Variants in RNF170 observed in about 807,000 individuals in gnomAD.
RNF170 encodes the protein ring finger protein 170, also known as E3 ubiquitin-protein ligase RNF170.
In RNF170, 12 loss-of-function variants were observed where a neutral mutation model predicts 32.7. The ratio of observed to expected loss-of-function variants is 0.37; its 90% CI spans 0.24 to 0.60. The LOEUF (loss-of-function observed/expected upper bound fraction) is 0.60, where lower values mean the gene tolerates loss of function less well. RNF170 is among the 20% of genes least tolerant of loss of function. The pLI, the probability that RNF170 is intolerant of heterozygous loss-of-function variation, is 0.72. For missense variants in RNF170, 212 were observed against 311.2 expected (o/e 0.68, Z 2.40); for synonymous variants, 91 against 103.6 (o/e 0.88, Z 0.74).
rs1008951748 is a variant in RNF170 at position 42,854,558 on chromosome 8, G to C, written c.*1601C>G. On this transcript the variant is annotated 3_prime_UTR_variant, in exon 7 of 7. Transcript: ENST00000527424. ...TTTCTCTATGACAAGCAACAGCTCT[G>C]TCCTAGGTCCAAATTAGAAAAACAC... 2.3e-6 allele frequency: 3 copies of C among 1,286,896 alleles called. No individual in the cohort carries two copies. The African/African-American group carries it at 4.6e-5, about 20-fold the overall frequency. 79.7% of individuals were successfully genotyped at this position (1,286,896 alleles called of 1,614,324 possible).
chr8:42,861,730 T>C lies in RNF170; in HGVS notation c.507+15A>G. 6.4e-7 allele frequency: 1 copy of C among 1,563,852 alleles called. No individual in the cohort carries two copies. The highest frequency in any genetic ancestry group is 1.1e-5 in the South Asian group (1 of 90,028). On this transcript the variant is annotated intron_variant, in intron 6 of 6. Transcript: ENST00000527424. ...TGTCTTCCTCTAACTTTGAACATGC[T>C]TTAGCATTACTTACAGATCTGGGTT... is the stretch of plus-strand genomic sequence containing the variant.
chr8:42,880,903 CTG>C (rs1263821809), intron 2 of RNF170, among the ~76,000 whole-genome samples: 1 of 152,166 alleles, frequency 6.6e-6, no homozygotes, highest in Non-Finnish European at 1.5e-5. Context: ...AGATAGATAA[CTG>C]TTAGCATTTT....
intron 4 of RNF170, among the ~76,000 whole-genome samples, chr8:42,865,732 C>T (rs1282640411): frequency 6.6e-6 from 1 of 152,066 alleles, no homozygotes; most frequent in African/African-American, 2.4e-5. Flanking sequence ...GTCTGTTATC[C>T]CAGCACTTTG....
chr8:42,856,058 T>G lies in RNF170; in HGVS notation c.*101A>C, dbSNP rs762414312. The stretch of plus-strand genomic sequence containing the variant: ...TTATAGTGGTTTTATATTTGTGAGA[T>G]AATACTCCATTGCTTCATTGCTTTA... On this transcript the variant is annotated 3_prime_UTR_variant, in exon 7 of 7. Transcript: ENST00000527424. 1.3e-6 allele frequency: 2 copies of G among 1,595,900 alleles called. No individual in the cohort carries two copies. The highest frequency in any genetic ancestry group is 2.2e-5 in the East Asian group (1 of 44,660).
intron 2 of RNF170, among the ~76,000 whole-genome samples, chr8:42,883,246 C>T (rs4737078): frequency 0.013 from 1,975 of 151,916 alleles, 141 homozygotes; most frequent in Admixed American, 0.11. Context: ...ATCACTATTA[C>T]GCAACATACC....
At chr8:42,850,707 G>C, downstream of RNF170, 3 of 1,516,094 alleles carry the variant, frequency 2.0e-6, no homozygotes, top group Non-Finnish European at 2.7e-6. Flanking sequence ...GTGCCCTGGG[G>C]TAAGGGGAGG....
rs1476458814 is a variant in RNF170, at chr8:42,887,740, T to C, written c.125A>G (p.Tyr42Cys). The change falls in exon 2 of 7, where the codon TAT becomes TGT. Residue 42 changes from tyrosine (Y) to cysteine (C), a missense_variant. Tyr to Cys is a radical substitution (Grantham distance 194). Around this residue, in one of 2 missense-constraint regions of RNF170, gnomAD observed 115 missense variants for 132.3 expected, o/e 0.87. Transcript: ENST00000527424. ...CCTTAAATCTCACCTGAAAAGTGCA[T>C]ATACCAGGGTAGCAATCAAAGCGAA... The part of the protein sequence containing the change: ...VSFALIATLV[Y>C]ALFRNVHQNI... The C allele has an allele frequency of 1.1e-5, 17 of 1,614,120 alleles. No individual in the cohort carries two copies. Among genetic ancestry groups the C allele is most frequent in the Non-Finnish European group, 1.3e-5 (15 of 1,179,986 alleles).
intron 5 of RNF170, among the ~76,000 whole-genome samples, chr8:42,862,390 A>G (rs1040361969): frequency 2.0e-5 from 3 of 152,220 alleles, no homozygotes; most frequent in Non-Finnish European, 4.4e-5. Context: ...TGATATTGTC[A>G]TATAACATAA....
intron 2 of RNF170, among the ~76,000 whole-genome samples, chr8:42,876,038 AGCTAAATG>A (rs1306111264): frequency 6.6e-6 from 1 of 152,160 alleles, no homozygotes; most frequent in Non-Finnish European, 1.5e-5. Context: ...GTGAATACCT[AGCTAAATG>A]GCATTTCTCC....
At chr8:42,866,911 C>T (rs1563257183) in intron 4 of RNF170, among the ~76,000 whole-genome samples, 2 of 152,190 alleles carry the variant, frequency 1.3e-5, no homozygotes, top group Non-Finnish European at 2.9e-5. Flanking sequence ...TTGTAGGACA[C>T]CTGCATCTTC....
intron 2 of RNF170, among the ~76,000 whole-genome samples, chr8:42,886,820 C>G (rs1359637955): frequency 6.6e-6 from 1 of 152,112 alleles, no homozygotes; most frequent in East Asian, 1.9e-4. Context: ...TCCAGGAGTT[C>G]AAGTCCAACT....
intron 4 of RNF170, among the ~76,000 whole-genome samples, chr8:42,867,471 CAAAA>C (rs34272095): frequency 1.1e-4 from 4 of 35,706 alleles, no homozygotes; most frequent in Admixed American, 7.4e-4. Context: ...AACTCCGTCT[CAAAA>C]AAAAAAAAAA....
intron 6 of RNF170, among the ~76,000 whole-genome samples, chr8:42,857,191 A>G (rs889680641): frequency 2.0e-5 from 3 of 152,254 alleles, no homozygotes; most frequent in East Asian, 1.9e-4. Context: ...CAAGTGCCAA[A>G]TAAGTTGAGA....
At chr8:42,850,844 G>A (rs771696160), downstream of RNF170, 96 of 1,551,466 alleles carry the variant, frequency 6.2e-5, no homozygotes, top group Middle Eastern at 3.3e-4. Flanking sequence ...AAGCATAAAC[G>A]TGGTGAGGCT....
rs1159600703 is a variant in RNF170, at chr8:42,865,413, T to C, written c.396+3A>G. The C allele has an allele frequency of 1.9e-6, 3 of 1,608,836 alleles. No individual in the cohort carries two copies. Among genetic ancestry groups the C allele is most frequent in the Non-Finnish European group, 2.6e-6 (3 of 1,175,530 alleles). On this transcript the variant is annotated splice_donor_region_variant and intron_variant, in intron 5 of 6. Transcript: ENST00000527424. ...ATGATACTTTCTGCACACAAAACATTACCGTTTGTCTACAGATTGGACAAC... is the reference window on the plus strand; with the variant it reads ...ATGATACTTTCTGCACACAAAACATCACCGTTTGTCTACAGATTGGACAAC...
In RNF170 at chr8:42,865,451, G is replaced by A; in HGVS notation, c.361C>T (p.Leu121Phe). ...CAGATTGGACAACTGATTGCCCCAA[G>A]CCATGAACCATATCGCCAGTAAGCA... ...IIAYWRYGSW[L>F]GAISCPICRQ... The change falls in exon 5 of 7, where the codon CTT (leucine) becomes TTT (phenylalanine). Residue 121 changes from leucine to phenylalanine, a missense_variant. Leu to Phe is a conservative substitution (Grantham distance 22). This residue lies in a region of RNF170 where 97 missense variants were observed against 178.9 expected (regional missense o/e 0.54). Transcript: ENST00000527424. The A allele has an allele frequency of 6.2e-6, 10 of 1,613,670 alleles. No individual in the cohort carries two copies. Among genetic ancestry groups the A allele is most frequent in the Non-Finnish European group, 8.5e-6 (10 of 1,179,790 alleles).
intron 4 of RNF170, among the ~76,000 whole-genome samples, chr8:42,869,730 A>C (rs1804384035): frequency 1.3e-5 from 2 of 152,326 alleles, no homozygotes; most frequent in South Asian, 2.1e-4. Flanking sequence ...TGTCCAAACA[A>C]ACACATTTCT....
intron 1 of RNF170, among the ~76,000 whole-genome samples, chr8:42,893,557 G>A (rs528779530): frequency 5.4e-4 from 82 of 152,288 alleles, no homozygotes; most frequent in African/African-American, 1.9e-3. Flanking sequence ...CTTTTTTGGG[G>A]CGGGTGTGGC....
chr8:42,871,903 G>A (rs369731274), intron 3 of RNF170, among the ~76,000 whole-genome samples: 10 of 152,138 alleles, frequency 6.6e-5, no homozygotes, highest in Admixed American at 5.9e-4. Context: ...AACAATTAAC[G>A]GTGCTGTCCA....
Sources: allele counts gnomAD v4.1 joint callset (sites outside exome capture counted in the v4.1 genomes callset), GRCh38; gene constraint gnomAD v4.1.1; regional missense constraint gnomAD v4.1.1; transcripts MANE v1.5; gene names NCBI Gene and HGNC (gene_info 2026-07-23, HGNC 2026-07-21).